Variants in ATP11A observed in about 807,000 individuals in gnomAD.
ATP11A encodes ATPase phospholipid transporting 11A.
ATP11A carries 81 observed loss-of-function variants against 154.4 expected under a neutral mutation model. That is an observed-to-expected ratio of 0.52 (90% CI 0.44 to 0.63). The LOEUF (loss-of-function observed/expected upper bound fraction) is 0.63. ATP11A is among the 30% of genes least tolerant of loss of function. The pLI is 0.00. For missense variants in ATP11A, 1,316 were observed against 1,474.3 expected (o/e 0.89, Z 1.76); for synonymous variants, 623 against 585.9 (o/e 1.06, Z -0.91).
At chr13:112,731,945 G>A (rs548951058) in intron 1 of ATP11A, among the ~76,000 whole-genome samples, 47 of 143,178 alleles carry the variant, frequency 3.3e-4, no homozygotes, top group Non-Finnish European at 5.6e-4. Flanking sequence ...GGCGGGGGGG[G>A]GCAGGTGGCC....
At chr13:112,694,704 T>A (rs1003081803) in intron 1 of ATP11A, among the ~76,000 whole-genome samples, 1 of 152,198 alleles carries the variant, frequency 6.6e-6, no homozygotes, top group Admixed American at 6.5e-5. Flanking sequence ...TTAGTTTTGT[T>A]CTTTTGCCTG....
intron 25 of ATP11A, among the ~76,000 whole-genome samples, chr13:112,864,849 G>A (rs1419123326): frequency 6.5e-5 from 5 of 77,490 alleles, no homozygotes; most frequent in South Asian, 4.6e-4. Flanking sequence ...GCTTCCCAGC[G>A]GGATCCATCA....
rs546677833 is a variant in ATP11A, at chr13:112,882,097, G to A, written c.*231G>A. On this transcript the variant is annotated 3_prime_UTR_variant, in exon 30 of 30. Transcript: ENST00000375645. This position sits in a 1 kb window ranked among gnomAD's most constrained non-coding sequence, Gnocchi z 5.1. ...TCCTAAGCCTGTGGAGACTGTGCAC[G>A]TGCCTCTTCCTGGCCCCCAGCAGGC... is the stretch of plus-strand genomic sequence containing the variant. The A allele has an allele frequency of 1.3e-5, 17 of 1,354,338 alleles. No individual in the cohort carries two copies. Among genetic ancestry groups the A allele is most frequent in the African/African-American group, 7.4e-5 (5 of 67,642 alleles). 83.9% of individuals were successfully genotyped at this position (1,354,338 alleles called of 1,614,324 possible).
intron 1 of ATP11A, among the ~76,000 whole-genome samples, chr13:112,733,071 C>T (rs1890654720): frequency 6.6e-6 from 1 of 152,206 alleles, no homozygotes; most frequent in South Asian, 2.1e-4. Flanking sequence ...TCTAAAAATA[C>T]ATTTCATTGT....
chr13:112,743,111 C>G (rs2139761901), intron 1 of ATP11A, among the ~76,000 whole-genome samples: 1 of 152,334 alleles, frequency 6.6e-6, no homozygotes, highest in East Asian at 1.9e-4. Flanking sequence ...GGGGAAGATT[C>G]AGACTGGCAG....
At chr13:112,825,345 G>A (rs867528345) in intron 10 of ATP11A, 85 bp from the exon 11 acceptor site, 160 of 1,436,252 alleles carry the variant, frequency 1.1e-4, no homozygotes, top group Middle Eastern at 7.3e-4. Context: ...GTTTCTTCAC[G>A]AGGTGTCATC....
At chr13:112,740,134 C>G (rs1566408643) in intron 1 of ATP11A, among the ~76,000 whole-genome samples, 1 of 101,898 alleles carries the variant, frequency 9.8e-6, no homozygotes, top group Non-Finnish European at 1.9e-5. Context: ...AATTCTCTCT[C>G]TCTCTCTCTC....
At position 112,883,272 on chromosome 13, in the gene ATP11A, G is replaced by A. The variant is rs2080925177; in HGVS notation, c.*1406G>A. 4 of 398,514 alleles carry A rather than the reference G, an allele frequency of 1.0e-5. No homozygotes were observed. The South Asian group carries it at 3.8e-4, about 38-fold the overall frequency. 24.7% of individuals were successfully genotyped at this position (398,514 alleles called of 1,614,324 possible). A position where few individuals can be genotyped will look rare whatever the true frequency, so the allele number is the denominator to read the frequency against. ...AGGGCTGCTGTGATAGGAAGTCCCT[G>A]TTGTTCTCCGTACTGGCATTTCTAT... On this transcript the variant is annotated 3_prime_UTR_variant, in exon 30 of 30. Transcript: ENST00000375645.
At position 112,757,602 on chromosome 13, in the gene ATP11A, C is replaced by T. The variant is rs922001175; in HGVS notation, c.40-27533C>T. On this transcript the variant is annotated intron_variant, in intron 1 of 29. Coordinates refer to ENST00000375645, the MANE Select transcript of ATP11A (RefSeq NM_015205.3). The stretch of plus-strand genomic sequence containing the variant: ...GGTCCCCTCACGGAGGTGGACAGGA[C>T]GCCCACTCCTTTCCCAGGCTGGCCT... Among the ~76,000 whole-genome samples the T allele has an allele frequency of 5.3e-5, 8 of 152,296 alleles. No homozygotes were observed. The East Asian group carries it at 9.6e-4, about 18-fold the overall frequency.
intron 29 of ATP11A, chr13:112,881,498 T>G (rs956273097): frequency 5.4e-6 from 6 of 1,105,786 alleles, no homozygotes; most frequent in Non-Finnish European, 6.7e-6. Context: ...AGGAAGCTCG[T>G]AGGTTTCCCG....
At chr13:112,721,470 A>G (rs1016113532) in intron 1 of ATP11A, among the ~76,000 whole-genome samples, 3 of 152,248 alleles carry the variant, frequency 2.0e-5, no homozygotes, top group Non-Finnish European at 4.4e-5. Flanking sequence ...GGCAGGGCCC[A>G]GAGGTGGTGT....
At chr13:112,777,836 G>A (rs913839318) in intron 1 of ATP11A, among the ~76,000 whole-genome samples, 1 of 152,172 alleles carries the variant, frequency 6.6e-6, no homozygotes, top group East Asian at 1.9e-4. Context: ...CAGCCAGGAA[G>A]CCCTGCCGCT....
At chr13:112,853,888 C>T (rs1268375729) in intron 18 of ATP11A, among the ~76,000 whole-genome samples, 2 of 152,192 alleles carry the variant, frequency 1.3e-5, no homozygotes, top group African/African-American at 4.8e-5. Context: ...TCCTGACCAC[C>T]TTGAGTCCAG....
chr13:112,724,689 G>GCC (rs372146883), intron 1 of ATP11A, among the ~76,000 whole-genome samples: 1 of 150,070 alleles, frequency 6.7e-6, no homozygotes, highest in African/African-American at 2.5e-5. Flanking sequence ...GGTGAGGCCG[G>GCC]CCCCCCCCCA....
intron 5 of ATP11A, among the ~76,000 whole-genome samples, chr13:112,815,359 A>T (rs2078615965): frequency 6.7e-6 from 1 of 149,290 alleles, no homozygotes; most frequent in African/African-American, 2.5e-5. Context: ...AGTCCAGGCC[A>T]CCGAGATGCC....
intron 2 of ATP11A, among the ~76,000 whole-genome samples, chr13:112,786,848 G>T (rs150352381): frequency 2.6e-5 from 4 of 152,376 alleles, no homozygotes; most frequent in African/African-American, 7.2e-5. Flanking sequence ...AACTTCTGTG[G>T]AGACCTACTT....
chr13:112,757,300 GCTTTCAT>G (rs1183760045), intron 1 of ATP11A, among the ~76,000 whole-genome samples: 1 of 152,242 alleles, frequency 6.6e-6, no homozygotes, highest in Non-Finnish European at 1.5e-5. Flanking sequence ...AACATAGGAA[GCTTTCAT>G]CTTCAGAGTA....
intron 1 of ATP11A, among the ~76,000 whole-genome samples, chr13:112,713,120 G>C (rs184711054): frequency 1.1e-3 from 161 of 152,336 alleles, no homozygotes; most frequent in Middle Eastern, 6.8e-3. Flanking sequence ...TGGAGGGCTG[G>C]GCACGGTGGC....
intron 1 of ATP11A, among the ~76,000 whole-genome samples, chr13:112,731,750 C>G (rs994281822): frequency 6.6e-6 from 1 of 152,146 alleles, no homozygotes; most frequent in Non-Finnish European, 1.5e-5. Context: ...GTGAGACTTA[C>G]AACAACCTAT....
Sources: allele counts gnomAD v4.1 joint callset (sites outside exome capture counted in the v4.1 genomes callset), GRCh38; gene constraint gnomAD v4.1.1; non-coding constraint Gnocchi (gnomAD v3.1); transcripts MANE v1.5; gene names NCBI Gene and HGNC (gene_info 2026-07-23, HGNC 2026-07-21).